ZP4: variants seen among roughly 807,000 people sequenced by gnomAD.
ZP4 encodes zona pellucida glycoprotein 4, also known as zona pellucida sperm-binding protein 4.
ZP4 carries 62 observed loss-of-function variants against 62.3 expected under a neutral mutation model. That is an observed-to-expected ratio of 0.99 (90% CI 0.81 to 1.23). The LOEUF (loss-of-function observed/expected upper bound fraction) is 1.23. Ranked by LOEUF, ZP4 falls within the 50% of genes most tolerant of loss-of-function variation. ZP4 has a pLI of 0.00. For missense variants in ZP4, 774 were observed against 656.0 expected, an observed-to-expected ratio of 1.18 and a Z score of -1.97; for synonymous variants, 289 against 247.3, an observed-to-expected ratio of 1.17 and a Z score of -1.58.
At chr1:237,885,142 T>A in intron 9 of ZP4, 23 bp downstream of exon 9, 1 of 1,609,178 alleles carries the variant, frequency 6.2e-7, no homozygotes, top group Non-Finnish European at 8.5e-7. Context: ...CCCTGGTGAG[T>A]GTCATGGAAG....
chr1:237,883,983 A>ACACACACAC (rs1665013477), intron 10 of ZP4, among the ~76,000 whole-genome samples: 1 of 42,394 alleles, frequency 2.4e-5, no homozygotes, highest in African/African-American at 9.0e-5. Flanking sequence ...CACACACACA[A>ACACACACAC]ACACACACAC....
In ZP4 at chr1:237,888,518, T is replaced by TA. The variant is rs754549452; in HGVS notation, c.401-9_401-8insT. On this transcript the variant is annotated splice_polypyrimidine_tract_variant and intron_variant, in intron 3 of 11. Transcript: ENST00000366570. ...TATCTGGAGCATCTCGGGCTAGGTT[T>TA]TGAAAAAGAGTAAGTCAGGTTAGAT... The TA allele has an allele frequency of 2.5e-6, 4 of 1,583,264 alleles. No individual in the cohort carries two copies. The highest frequency in any genetic ancestry group is 1.7e-5 in the Admixed American group (1 of 57,172).
intron 7 of ZP4, 62 bp from the exon 8 acceptor site, chr1:237,885,642 C>A: frequency 1.9e-6 from 3 of 1,596,352 alleles, no homozygotes; most frequent in Non-Finnish European, 2.6e-6. Flanking sequence ...GGGACTGTCA[C>A]CCCTTTAAAT....
Position 237,882,472 on chromosome 1 carries a change from A to G in ZP4, c.1573T>C (p.Tyr525His), listed in dbSNP as rs1664939555. ...TLILGALLVS[Y>H]LAVKKQKSCP... Reference sequence around the variant, plus strand: ...CTCTTCTGTTTCTTGACAGCCAAGTAGGATACTAACAAGGCTCCAAGGATT... The same window carrying G: ...CTCTTCTGTTTCTTGACAGCCAAGTGGGATACTAACAAGGCTCCAAGGATT... Residue 525 changes from tyrosine (Y) to histidine (H), a missense_variant, in exon 12 of 12, where the codon TAC becomes CAC. By Grantham distance (83) the Tyr-to-His change is moderately conservative (BLOSUM62 2). Transcript: ENST00000366570. The G allele has an allele frequency of 6.2e-7, 1 of 1,610,188 alleles. No homozygotes were observed. The highest frequency in any genetic ancestry group is 2.2e-5 in the East Asian group (1 of 44,876).
At chr1:237,888,964 C>T (rs538772634) in intron 3 of ZP4, among the ~76,000 whole-genome samples, 45 of 152,210 alleles carry the variant, frequency 3.0e-4, no homozygotes, top group African/African-American at 9.4e-4. Flanking sequence ...GGAAGGAAGG[C>T]AGGTGAGAAG....
Position 237,883,616 on chromosome 1 carries a change from AGGTGGGAGAGAGGGGGAGGGGGAG to A in ZP4, c.1391-794_1391-771del, listed in dbSNP as rs1406754557. ...GTAATCCCAGCTACTCAGGAGGCTG[AGGTGGGAGAGAGGGGGAGGGGGAG>A]GGCGGGGGAGGGCGGGGGAGGGCCG... On this transcript the variant is annotated intron_variant, in intron 10 of 11. Transcript: ENST00000366570. Among the ~76,000 whole-genome samples the A allele has an allele frequency of 4.5e-3, 401 of 88,894 alleles. 24 individuals are homozygous for A. Among genetic ancestry groups the A allele is most frequent in the East Asian group, 0.011 (27 of 2,426 alleles). The allele number at this position is 88,894 out of a possible 152,430, so 58.3% of individuals were successfully genotyped here.
chr1:237,885,746 G>T lies in ZP4; in HGVS notation c.970+10C>A. The T allele has an allele frequency of 6.2e-7, 1 of 1,613,886 alleles. No homozygotes were observed. ...CTATAGGCCAGATACTCCAGCCAAG[G>T]GGGTCATACCTTTGGCAATCTGAAG... On this transcript the variant is annotated intron_variant, in intron 7 of 11. Transcript: ENST00000366570.
Position 237,887,360 on chromosome 1 carries a change from G to A in ZP4, c.741+14C>T. ...CCCAACTTCCAGAGCCAGGAACAAA[G>A]CCCAACTGCTCACCTGTCTTGTGGT... On this transcript the variant is annotated intron_variant, in intron 5 of 11. Coordinates refer to ENST00000366570, the MANE Select transcript of ZP4 (RefSeq NM_021186.5). The A allele has an allele frequency of 6.2e-7, 1 of 1,611,636 alleles. No homozygotes were observed. Among genetic ancestry groups the A allele is most frequent in the Admixed American group, 1.7e-5 (1 of 59,860 alleles).
In ZP4 at chr1:237,885,177, G is replaced by A; in HGVS notation, c.1299C>T (p.Ala433=). 1 of 1,613,860 alleles carries A rather than the reference G, an allele frequency of 6.2e-7. No homozygotes were observed. The highest frequency in any genetic ancestry group is 8.5e-7 in the Non-Finnish European group (1 of 1,179,926). Residue 433 remains alanine, a synonymous_variant, in exon 9 of 12, where the codon GCC becomes GCT. Transcript: ENST00000366570. ...GGGAACATCCTACCGGTCCCCTGAG[G>A]GCCTGTTTCTCCACTGTAGGGTTCA... ...SFVNPTVEKQ[A]LRGPVHLHCS... is the part of the protein sequence containing the mutation.
intron 10 of ZP4, among the ~76,000 whole-genome samples, chr1:237,884,033 AAC>A (rs1300435485): frequency 5.0e-5 from 4 of 80,530 alleles, no homozygotes; most frequent in East Asian, 3.2e-4. Flanking sequence ...CACACACACA[AAC>A]ACACACAAAC....
intron 3 of ZP4, 133 bp downstream of exon 3, chr1:237,889,734 T>C: frequency 1.2e-6 from 1 of 806,564 alleles, no homozygotes; most frequent in Admixed American, 1.9e-5. Context: ...CCCATGGAGG[T>C]GAGAGTTGGG....
chr1:237,887,283 T>C lies in ZP4; in HGVS notation c.741+91A>G. The C allele has an allele frequency of 2.1e-6, 3 of 1,455,924 alleles. No homozygotes were observed. The African/African-American group carries it at 4.2e-5, about 20-fold the overall frequency. 90.2% of individuals were successfully genotyped at this position (1,455,924 alleles called of 1,614,324 possible). On this transcript the variant is annotated intron_variant, in intron 5 of 11. Coordinates refer to ENST00000366570, the MANE Select transcript of ZP4 (RefSeq NM_021186.5). ...CTCCAAGTAGTAGTCACAAGTATCG[T>C]TCACGGCCAACATATTTCAGCTCTC...
At chr1:237,882,668 G>A in intron 11 of ZP4, 74 bp downstream of exon 11, 1 of 1,588,984 alleles carries the variant, frequency 6.3e-7, no homozygotes. Context: ...AGAACAAGAG[G>A]GATAGAAAGG....
chr1:237,889,173 C>T (rs1436212093), intron 3 of ZP4, among the ~76,000 whole-genome samples: 5 of 152,162 alleles, frequency 3.3e-5, no homozygotes. Context: ...TTTCCAAGTT[C>T]CCTTGCTAGC....
chr1:237,884,017 AACACACACACAC>A (rs142971801), intron 10 of ZP4, among the ~76,000 whole-genome samples: 1 of 87,946 alleles, frequency 1.1e-5, no homozygotes, highest in Non-Finnish European at 2.3e-5. Context: ...CACACACACA[AACACACACACAC>A]ACAAACACAC....
At position 237,890,351 on chromosome 1, in the gene ZP4, C is replaced by G. The variant is rs1413670431; in HGVS notation, c.175+110G>C. 2.0e-6 allele frequency: 3 copies of G among 1,487,128 alleles called. No individual in the cohort carries two copies. The East Asian group carries it at 6.8e-5, about 34-fold the overall frequency. The allele number at this position is 1,487,128 out of a possible 1,614,324, so 92.1% of individuals were successfully genotyped here. On this transcript the variant is annotated intron_variant, in intron 1 of 11. Coordinates refer to ENST00000366570, the MANE Select transcript of ZP4 (RefSeq NM_021186.5). ...AGACTATTTCTTTTGCAGAAAGATG[C>G]AACAGGGCTCAGAAGGTGAAAGTAT...
At position 237,885,295 on chromosome 1, in the gene ZP4, T is replaced by C; in HGVS notation, c.1181A>G (p.Asn394Ser). ...GACAGGGATCAGCTGGGTCTGATAG[T>C]TGTCTCCAATGTAGGGGCAGCTAGA... ...LVKGCPYIGD[N>S]YQTQLIPVQK... The change falls in exon 9 of 12, where the codon AAC becomes AGC. Residue 394 changes from asparagine (N) to serine (S), a missense_variant. By Grantham distance (46) the Asn-to-Ser change is conservative (BLOSUM62 1). Transcript: ENST00000366570. 1 of 1,614,130 alleles carries C rather than the reference T, an allele frequency of 6.2e-7. No homozygotes were observed.
At position 237,889,904 on chromosome 1, in the gene ZP4, T is replaced by C. The variant is rs768646816; in HGVS notation, c.363A>G (p.Thr121=). The change falls in exon 3 of 12, where the codon ACA becomes ACG. Residue 121 remains threonine (T), a synonymous_variant. Coordinates refer to ENST00000366570, the MANE Select transcript of ZP4 (RefSeq NM_021186.5). ...GAGAAEHKVV[T]ERKLLKCPMD... ...TAGGACACTTGAGCAGCTTCCTCTC[T>C]GTAACCACCTTGTGTTCAGCCGCGC... is the stretch of plus-strand genomic sequence containing the variant. 2.5e-6 allele frequency: 4 copies of C among 1,611,988 alleles called. No homozygotes were observed. Among genetic ancestry groups the C allele is most frequent in the Non-Finnish European group, 3.4e-6 (4 of 1,178,798 alleles).
In ZP4 at chr1:237,886,855, C is replaced by G. The variant is rs148891266; in HGVS notation, c.755G>C (p.Arg252Pro). The change falls in exon 6 of 12, where the codon CGA becomes CCA. Residue 252 changes from arginine to proline, a missense_variant. Physicochemically the swap from Arg to Pro is moderately radical, Grantham distance 103. Transcript: ENST00000366570. ...CACCAGTTCATTTTCATATACTGCTCGGTCTCCAGTGATCTACAGGAATAG... is the reference window on the plus strand; with the variant it reads ...CACCAGTTCATTTTCATATACTGCTGGGTCTCCAGTGATCTACAGGAATAG... ...CGTTRQITGD[R>P]AVYENELVAT... 1 of 1,613,894 alleles carries G rather than the reference C, an allele frequency of 6.2e-7. No homozygotes were observed. The highest frequency in any genetic ancestry group is 1.7e-4 in the Middle Eastern group (1 of 6,058).
Sources: gnomAD v4.1 joint callset for allele counts (sites outside exome capture counted in the v4.1 genomes callset) on GRCh38, gnomAD v4.1.1 for gene constraint, MANE v1.5 for transcripts, NCBI Gene and HGNC (gene_info 2026-07-23, HGNC 2026-07-21) for gene names.